EVL: variants seen among roughly 807,000 people sequenced by gnomAD.
The protein encoded by EVL is Enah/Vasp-like.
Under a neutral mutation model 59.6 loss-of-function variants are expected in EVL, and 21 were observed. That is an observed-to-expected ratio of 0.35 (90% CI 0.25 to 0.51). The LOEUF (loss-of-function observed/expected upper bound fraction) is 0.51, where lower values mean the gene tolerates loss of function less well. EVL is among the 20% of genes least tolerant of loss of function. The pLI, the probability that EVL is intolerant of heterozygous loss-of-function variation, is 0.97. For missense variants in EVL, 462 were observed against 546.6 expected (o/e 0.85, Z 1.54); for synonymous variants, 198 against 203.5 (o/e 0.97, Z 0.23).
At chr14:100,138,234 C>A in intron 11 of EVL, 1 of 230,390 alleles carries the variant, frequency 4.3e-6, no homozygotes, top group Non-Finnish European at 8.6e-6. Flanking sequence ...CAGGGCTGCA[C>A]CCTACAGTTC....
chr14:100,028,130 G>GTTTTTTTTTTTTTTTTT (rs756735010), intron 1 of EVL, among the ~76,000 whole-genome samples: 14 of 99,596 alleles, frequency 1.4e-4, no homozygotes, highest in African/African-American at 6.8e-4. Flanking sequence ...TTTTTTGTTT[G>GTTTTTTTTTTTTTTTTT]TTTGTTTTTT....
chr14:100,117,815 T>C (rs1466093391), intron 3 of EVL, among the ~76,000 whole-genome samples: 3 of 152,192 alleles, frequency 2.0e-5, no homozygotes, highest in African/African-American at 7.2e-5. Flanking sequence ...TGAGGCCCAG[T>C]CCTCAGCTCA....
rs571699703 is a variant in EVL at position 100,144,114 on chromosome 14, C to T, written c.*376C>T. ...GGCGGTGACAGCCGGCCCAGCGTGG[C>T]GCCACCACACACCGCAGAGCTGTCC... On this transcript the variant is annotated 3_prime_UTR_variant, in exon 14 of 14. Transcript: ENST00000392920. 2.2e-5 allele frequency: 7 copies of T among 315,334 alleles called. 1 individual carries two copies. Among genetic ancestry groups the T allele is most frequent in the South Asian group, 1.8e-4 (5 of 27,080 alleles). The allele number at this position is 315,334 out of a possible 1,614,324, so 19.5% of individuals were successfully genotyped here.
chr14:100,069,310 G>A (rs1408253481), intron 1 of EVL, among the ~76,000 whole-genome samples: 1 of 152,198 alleles, frequency 6.6e-6, no homozygotes, highest in African/African-American at 2.4e-5. Flanking sequence ...AGCTGTGGCT[G>A]CTTGGGCACA....
At chr14:100,001,740 C>A (rs1002694023) in intron 1 of EVL, among the ~76,000 whole-genome samples, 1 of 152,174 alleles carries the variant, frequency 6.6e-6, no homozygotes, top group Non-Finnish European at 1.5e-5. Flanking sequence ...TCTTTACTTA[C>A]CACAGGTCAG....
At chr14:100,136,493 T>C (rs1888795452) in intron 9 of EVL, among the ~76,000 whole-genome samples, 1 of 152,174 alleles carries the variant, frequency 6.6e-6, no homozygotes, top group African/African-American at 2.4e-5. Context: ...ATGATGAGGC[T>C]TCGCAGGGGA....
At chr14:100,054,583 G>A (rs2061697618) in intron 1 of EVL, among the ~76,000 whole-genome samples, 1 of 152,018 alleles carries the variant, frequency 6.6e-6, no homozygotes, top group East Asian at 1.9e-4. Flanking sequence ...CAGACAACTA[G>A]GGACACCTCC....
chr14:100,070,485 G>A (rs1221498754), intron 1 of EVL, among the ~76,000 whole-genome samples: 5 of 152,172 alleles, frequency 3.3e-5, no homozygotes, highest in Non-Finnish European at 5.9e-5. Context: ...AATACCACAA[G>A]AGACAAAAGA....
intron 13 of EVL, 109 bp from the exon 14 acceptor site, chr14:100,143,592 G>A: frequency 1.5e-6 from 2 of 1,363,606 alleles, no homozygotes; most frequent in South Asian, 2.4e-5. Flanking sequence ...CCAGGAGATG[G>A]AACAGGGACA....
At chr14:100,021,620 T>C (rs2061126036) in intron 1 of EVL, among the ~76,000 whole-genome samples, 1 of 152,140 alleles carries the variant, frequency 6.6e-6, no homozygotes, top group African/African-American at 2.4e-5. Flanking sequence ...CCTGGAAAGC[T>C]CATTAAAACT....
intron 1 of EVL, among the ~76,000 whole-genome samples, chr14:99,999,997 C>T (rs1257676163): frequency 6.6e-6 from 1 of 152,190 alleles, no homozygotes; most frequent in Non-Finnish European, 1.5e-5. Context: ...TGTTACCTGG[C>T]ATTTTTGGTT....
At chr14:99,991,298 A>G (rs2060874261) in intron 1 of EVL, among the ~76,000 whole-genome samples, 2 of 152,316 alleles carry the variant, frequency 1.3e-5, no homozygotes, top group East Asian at 3.9e-4. Context: ...GTGCTCATTT[A>G]ATTTTACATA....
Position 100,044,131 on chromosome 14 carries a change from T to G in EVL, c.6-40556T>G, listed in dbSNP as rs74084462. 0.014 allele frequency among the ~76,000 whole-genome samples: 2,058 copies of G among 152,288 alleles called. 111 individuals are homozygous for G. The East Asian group carries it at 0.18, about 13-fold the overall frequency. On this transcript the variant is annotated intron_variant, in intron 1 of 13. Coordinates refer to the EVL transcript ENST00000402714. The stretch of plus-strand genomic sequence containing the variant: ...ATTCCTTAATCCGGTCAAGTTGACA[T>G]CTAAAATTATCGATCACATCCTCTT...
chr14:100,065,590 A>T (rs943742285), intron 1 of EVL, 79 bp downstream of exon 1: 10 of 853,358 alleles, frequency 1.2e-5, no homozygotes, highest in East Asian at 6.2e-5. Flanking sequence ...GGGCTGTAGA[A>T]ATTATCTCAG....
intron 1 of EVL, among the ~76,000 whole-genome samples, chr14:100,044,176 G>A (rs2061512412): frequency 6.6e-6 from 1 of 152,116 alleles, no homozygotes; most frequent in South Asian, 2.1e-4. Flanking sequence ...GTTTATAATA[G>A]TATTACAGTG....
At chr14:100,011,826 G>A (rs2061018849) in intron 1 of EVL, among the ~76,000 whole-genome samples, 3 of 152,308 alleles carry the variant, frequency 2.0e-5, no homozygotes, top group Admixed American at 6.5e-5. Flanking sequence ...ATGACACAAA[G>A]TGCAAAGGGA....
chr14:100,143,761 T>C lies in EVL; in HGVS notation c.*23T>C, dbSNP rs767854405. The C allele has an allele frequency of 7.6e-5, 123 of 1,609,964 alleles. No individual in the cohort carries two copies. The highest frequency in any genetic ancestry group is 6.5e-4 in the Admixed American group (39 of 59,848). On this transcript the variant is annotated 3_prime_UTR_variant, in exon 14 of 14. Transcript: ENST00000392920. ...TAAGGGGCCGGCCTCGCTGCGCTGATTCGTCGAGCCCATCCGGCGACAGAG... is the reference window on the plus strand; with the variant it reads ...TAAGGGGCCGGCCTCGCTGCGCTGACTCGTCGAGCCCATCCGGCGACAGAG...
intron 1 of EVL, among the ~76,000 whole-genome samples, chr14:100,057,036 C>T (rs904714808): frequency 6.6e-6 from 1 of 152,190 alleles, no homozygotes; most frequent in Non-Finnish European, 1.5e-5. Flanking sequence ...GCTCAGTAAA[C>T]ACTTCATTAA....
chr14:100,010,972 C>T (rs536302433), intron 1 of EVL, among the ~76,000 whole-genome samples: 1 of 152,228 alleles, frequency 6.6e-6, no homozygotes, highest in Non-Finnish European at 1.5e-5. Context: ...GAACATAGTG[C>T]CCTCCTCAAC....
Sources: allele counts gnomAD v4.1 joint callset (sites outside exome capture counted in the v4.1 genomes callset), GRCh38; gene constraint gnomAD v4.1.1; transcripts MANE v1.5; gene names NCBI Gene and HGNC (gene_info 2026-07-23, HGNC 2026-07-21).